NPSR1: variants seen among roughly 807,000 people sequenced by gnomAD.
NPSR1 encodes the protein neuropeptide S receptor 1.
Under a neutral mutation model 46.9 loss-of-function variants are expected in NPSR1, and 48 were observed. That is an observed-to-expected ratio of 1.02 (90% CI 0.81 to 1.30). The LOEUF is 1.30. Among genes scored for constraint, NPSR1 ranks in the 50% most tolerant of loss-of-function variants. NPSR1 has a pLI of 0.00. For synonymous variants in NPSR1, 176 were observed against 168.1 expected (o/e 1.05, Z -0.36); for missense variants, 450 against 449.5 (o/e 1.00, Z -0.01).
intron 3 of NPSR1, among the ~76,000 whole-genome samples, chr7:34,794,870 A>G (rs1788102377): frequency 6.6e-6 from 1 of 152,034 alleles, no homozygotes; most frequent in African/African-American, 2.4e-5. Context: ...AAGACACTGT[A>G]CCTACAATAA....
intron 2 of NPSR1, chr7:34,750,334 A>G (rs907214115): frequency 9.8e-6 from 7 of 714,208 alleles, no homozygotes; most frequent in African/African-American, 7.0e-5. Flanking sequence ...AGGCTAAAAA[A>G]TCTTCCTCAC....
At chr7:34,705,348 A>C (rs1197835069) in intron 2 of NPSR1, among the ~76,000 whole-genome samples, 1 of 151,490 alleles carries the variant, frequency 6.6e-6, no homozygotes, top group Admixed American at 6.6e-5. Context: ...GATCGCTTGA[A>C]TCCAGGAGGT....
At chr7:34,795,082 T>C (rs1316286105) in intron 3 of NPSR1, among the ~76,000 whole-genome samples, 1 of 152,004 alleles carries the variant, frequency 6.6e-6, no homozygotes, top group African/African-American at 2.4e-5. Flanking sequence ...CAAGTAAGGC[T>C]TATCCCAAAA....
At chr7:34,744,443 G>A (rs1048106991) in intron 2 of NPSR1, among the ~76,000 whole-genome samples, 3 of 152,246 alleles carry the variant, frequency 2.0e-5, no homozygotes, top group Admixed American at 6.5e-5. Context: ...GGATAAAAGG[G>A]GCAGGAAGAG....
At chr7:34,762,267 G>A (rs1004080955) in intron 2 of NPSR1, among the ~76,000 whole-genome samples, 9 of 152,164 alleles carry the variant, frequency 5.9e-5, no homozygotes, top group Admixed American at 2.0e-4. Flanking sequence ...AATGACTGAG[G>A]TGTGAGCCAC....
intron 8 of NPSR1, among the ~76,000 whole-genome samples, chr7:34,870,914 G>A (rs1214425054): frequency 6.6e-6 from 1 of 150,690 alleles, no homozygotes; most frequent in Non-Finnish European, 1.5e-5. Flanking sequence ...ATGGATGGAT[G>A]GATAGATGGA....
At chr7:34,673,323 G>A (rs1792151340) in intron 1 of NPSR1, among the ~76,000 whole-genome samples, 1 of 152,104 alleles carries the variant, frequency 6.6e-6, no homozygotes, top group African/African-American at 2.4e-5. Flanking sequence ...TCTCAGAAAT[G>A]TTTATGGAAT....
intron 2 of NPSR1, among the ~76,000 whole-genome samples, chr7:34,754,115 C>T (rs996075551): frequency 2.0e-5 from 3 of 152,116 alleles, no homozygotes; most frequent in African/African-American, 4.8e-5. Context: ...TCAGAACTTC[C>T]ACCCATCTCC....
intron 2 of NPSR1, chr7:34,719,463 G>A (rs1462342451): frequency 1.3e-5 from 2 of 152,174 alleles, no homozygotes; most frequent in East Asian, 1.9e-4. Context: ...TTTAGTGAAG[G>A]AGCAGGTGAC....
chr7:34,817,981 G>T (rs866275956), intron 4 of NPSR1, among the ~76,000 whole-genome samples: 20 of 152,206 alleles, frequency 1.3e-4, no homozygotes, highest in Middle Eastern at 3.4e-3. Flanking sequence ...GGCAAAAACT[G>T]GAAGCATTCC....
At chr7:34,877,479 G>T (rs1458020089) in intron 8 of NPSR1, among the ~76,000 whole-genome samples, 1 of 152,202 alleles carries the variant, frequency 6.6e-6, no homozygotes, top group Non-Finnish European at 1.5e-5. Context: ...TTGGGGGTCT[G>T]GGAAGGGGAT....
chr7:34,849,185 A>G, intron 8 of NPSR1: 1 of 647,708 alleles, frequency 1.5e-6, no homozygotes, highest in South Asian at 1.8e-5. Flanking sequence ...AGGAGATACA[A>G]GAGGAGAATG....
At chr7:34,804,626 G>A (rs1788598805) in intron 3 of NPSR1, among the ~76,000 whole-genome samples, 2 of 151,998 alleles carry the variant, frequency 1.3e-5, no homozygotes, top group South Asian at 4.2e-4. Flanking sequence ...AGGTAAAGAT[G>A]TCCTCTCTCG....
intron 4 of NPSR1, among the ~76,000 whole-genome samples, chr7:34,822,235 A>G (rs1195727164): frequency 3.3e-5 from 5 of 152,142 alleles, no homozygotes; most frequent in African/African-American, 1.2e-4. Flanking sequence ...TCAGAATTTA[A>G]GGGCAGCTGA....
intron 3 of NPSR1, among the ~76,000 whole-genome samples, chr7:34,792,464 C>T (rs1042598970): frequency 4.1e-5 from 6 of 146,328 alleles, no homozygotes; most frequent in Non-Finnish European, 7.5e-5. Context: ...ATTCAAGACC[C>T]GCCAGGGAAA....
intron 2 of NPSR1, among the ~76,000 whole-genome samples, chr7:34,734,044 G>A (rs1360186691): frequency 1.3e-5 from 2 of 152,112 alleles, no homozygotes; most frequent in Non-Finnish European, 2.9e-5. Flanking sequence ...ATATTCCCCT[G>A]GAAATGAATG....
At chr7:34,667,482 C>T (rs905022402) in intron 1 of NPSR1, among the ~76,000 whole-genome samples, 1 of 152,152 alleles carries the variant, frequency 6.6e-6, no homozygotes, top group Admixed American at 6.5e-5. Flanking sequence ...TCCATTCATC[C>T]AGCTTCTTCA....
chr7:34,812,181 T>C (rs900682509), intron 4 of NPSR1, among the ~76,000 whole-genome samples: 2 of 152,176 alleles, frequency 1.3e-5, no homozygotes, highest in African/African-American at 4.8e-5. Flanking sequence ...CTTTTTCCTC[T>C]AGAGCAGTGT....
At chr7:34,714,910 C>A (rs1196993844) in intron 2 of NPSR1, among the ~76,000 whole-genome samples, 1 of 152,254 alleles carries the variant, frequency 6.6e-6, no homozygotes, top group Non-Finnish European at 1.5e-5. Context: ...GATCACAAAT[C>A]TCCCATCTCA....
Sources: allele counts gnomAD v4.1 joint callset (sites outside exome capture counted in the v4.1 genomes callset), GRCh38; gene constraint gnomAD v4.1.1; transcripts MANE v1.5; gene names NCBI Gene and HGNC (gene_info 2026-07-23, HGNC 2026-07-21).